The following PCDHGB4 variants were observed in gnomAD, a reference collection of about 807,000 sequenced individuals.
PCDHGB4 encodes the protein protocadherin gamma subfamily B, 4.
Under a neutral mutation model 60.5 loss-of-function variants are expected in PCDHGB4, and 38 were observed. The ratio of observed to expected loss-of-function variants is 0.63; its 90% CI spans 0.48 to 0.82. PCDHGB4 has a LOEUF of 0.82. Among genes scored for constraint, PCDHGB4 ranks in the 40% least tolerant of loss-of-function variants. The pLI is 0.00. For synonymous variants in PCDHGB4, 456 were observed against 509.7 expected (o/e 0.89, Z 1.42); for missense variants, 1,109 against 1,209.6 (o/e 0.92, Z 1.23).
At chr5:141,426,896 C>A in intron 1 of PCDHGB4, 1 of 456,782 alleles carries the variant, frequency 2.2e-6, no homozygotes, top group Non-Finnish European at 4.4e-6. Context: ...AGCAACAGAG[C>A]TCTCATCTCC....
At chr5:141,397,810 A>G (rs2093570260) in intron 1 of PCDHGB4, among the ~76,000 whole-genome samples, 1 of 152,218 alleles carries the variant, frequency 6.6e-6, no homozygotes. Context: ...TAGGCACACA[A>G]AAACAATTAC....
At position 141,487,621 on chromosome 5, in the gene PCDHGB4, A is replaced by G; in HGVS notation, c.2398-7186A>G. The G allele has an allele frequency of 6.2e-7, 1 of 1,614,164 alleles. No individual in the cohort carries two copies. On this transcript the variant is annotated intron_variant, in intron 1 of 3. Transcript: ENST00000519479. This position sits in a 1 kb window ranked among gnomAD's most constrained non-coding sequence, Gnocchi z 5.0. ...ATCTTCTCTATGGGCTAGAGGTGAG[A>G]CCTTTGCAGGCTCAACAAATGCTTG... is the stretch of plus-strand genomic sequence containing the variant.
At chr5:141,503,335 G>A (rs111643076) in intron 2 of PCDHGB4, among the ~76,000 whole-genome samples, 108 of 152,220 alleles carry the variant, frequency 7.1e-4, no homozygotes, top group African/African-American at 2.4e-3. Context: ...GGTGGCTCAC[G>A]CCTGTAATTC....
At chr5:141,413,012 A>T in intron 1 of PCDHGB4, 1 of 657,714 alleles carries the variant, frequency 1.5e-6, no homozygotes, top group Non-Finnish European at 2.5e-6. Context: ...GGCTTCAACT[A>T]CACAAGCCCC....
At chr5:141,478,804 G>C (rs765938054) in intron 1 of PCDHGB4, 48 of 1,462,396 alleles carry the variant, frequency 3.3e-5, no homozygotes, top group Non-Finnish European at 4.1e-5. Context: ...GCACTCTTTT[G>C]CTATCACAAC....
intron 1 of PCDHGB4, among the ~76,000 whole-genome samples, chr5:141,472,924 T>G (rs1247655318): frequency 2.0e-5 from 3 of 147,960 alleles, no homozygotes; most frequent in African/African-American, 7.5e-5. Flanking sequence ...AGGAGGAGGT[T>G]GTGGTGAGCC....
At chr5:141,430,084 A>G (rs538721051) in intron 1 of PCDHGB4, among the ~76,000 whole-genome samples, 2 of 152,292 alleles carry the variant, frequency 1.3e-5, no homozygotes, top group Admixed American at 1.3e-4. Context: ...AATATCATGA[A>G]AATTTGATTT....
At chr5:141,414,788 C>T in intron 1 of PCDHGB4, 1 of 1,614,222 alleles carries the variant, frequency 6.2e-7, no homozygotes, top group Non-Finnish European at 8.5e-7. Flanking sequence ...CAGGTGACAG[C>T]CAGCGACAGC....
intron 1 of PCDHGB4, chr5:141,396,033 C>T (rs191318626): frequency 1.3e-5 from 2 of 152,280 alleles, no homozygotes; most frequent in East Asian, 3.9e-4. Context: ...TATGTAAGAA[C>T]ATATTTCAAT....
At chr5:141,446,098 A>G (rs375135134) in intron 1 of PCDHGB4, among the ~76,000 whole-genome samples, 2 of 152,350 alleles carry the variant, frequency 1.3e-5, no homozygotes, top group African/African-American at 4.8e-5. Flanking sequence ...TGGATGAATT[A>G]TAGATATATT....
intron 1 of PCDHGB4, chr5:141,410,167 T>C (rs372848702): frequency 6.2e-7 from 1 of 1,613,652 alleles, no homozygotes; most frequent in African/African-American, 1.3e-5. Context: ...CGCCACTCTC[T>C]GCCACCGCCA....
intron 1 of PCDHGB4, among the ~76,000 whole-genome samples, chr5:141,405,825 A>G (rs184785482): frequency 1.1e-3 from 172 of 152,272 alleles, no homozygotes; most frequent in Non-Finnish European, 1.9e-3. Context: ...TCTGTACTTA[A>G]GGTAGTATAA....
intron 1 of PCDHGB4, among the ~76,000 whole-genome samples, chr5:141,461,314 T>A (rs1453512629): frequency 6.6e-6 from 1 of 152,198 alleles, no homozygotes; most frequent in Non-Finnish European, 1.5e-5. Context: ...TTTTTTGACT[T>A]TTTAATAATG....
chr5:141,419,729 G>T (rs1436631336), intron 1 of PCDHGB4: 1 of 1,613,758 alleles, frequency 6.2e-7, no homozygotes, highest in Admixed American at 1.7e-5. Context: ...GCTGCGAACA[G>T]GCGAGGTGCG....
chr5:141,428,098 A>C (rs1387848300), intron 1 of PCDHGB4: 1 of 1,608,664 alleles, frequency 6.2e-7, no homozygotes, highest in South Asian at 1.1e-5. Context: ...CTGTCCTACC[A>C]CGTGCTGCAG....
At position 141,432,950 on chromosome 5, in the gene PCDHGB4, G is replaced by T. The variant is rs750033444; in HGVS notation, c.2397+42669G>T. ...ACGCCTGCTGCAGGCTTCAGGAGGCGGCTTGACAGGAGCGCCGGCGTCGCA... is the reference window on the plus strand; with the variant it reads ...ACGCCTGCTGCAGGCTTCAGGAGGCTGCTTGACAGGAGCGCCGGCGTCGCA... On this transcript the variant is annotated intron_variant, in intron 1 of 3. Coordinates refer to ENST00000519479, the MANE Select transcript of PCDHGB4 (RefSeq NM_003736.4). This position sits in a 1 kb window ranked among gnomAD's most constrained non-coding sequence, Gnocchi z 6.0. 6 of 1,614,072 alleles carry T rather than the reference G, an allele frequency of 3.7e-6. No individual in the cohort carries two copies. Among genetic ancestry groups the T allele is most frequent in the Admixed American group, 1.7e-5 (1 of 60,010 alleles).
intron 2 of PCDHGB4, among the ~76,000 whole-genome samples, chr5:141,502,401 G>A (rs191747075): frequency 2.0e-5 from 3 of 151,874 alleles, no homozygotes; most frequent in Admixed American, 1.3e-4. Flanking sequence ...AAATGTCCCC[G>A]AACCTGGATT....
At chr5:141,495,804 T>G (rs894259635) in intron 2 of PCDHGB4, among the ~76,000 whole-genome samples, 1 of 152,168 alleles carries the variant, frequency 6.6e-6, no homozygotes, top group South Asian at 2.1e-4. Flanking sequence ...TTTCACCGTT[T>G]CCTAGCGCCT....
At chr5:141,424,022 AAC>A (rs1390245883) in intron 1 of PCDHGB4, 1 of 1,046,586 alleles carries the variant, frequency 9.6e-7, no homozygotes, top group Non-Finnish European at 1.2e-6. Flanking sequence ...ATGATTCACA[AAC>A]ACTTTTTATT....
Sources: gnomAD v4.1 joint callset for allele counts (sites outside exome capture counted in the v4.1 genomes callset) on GRCh38, gnomAD v4.1.1 for gene constraint, Gnocchi (gnomAD v3.1) non-coding constraint, MANE v1.5 for transcripts, NCBI Gene and HGNC (gene_info 2026-07-23, HGNC 2026-07-21) for gene names.